CHCHD3: variants seen among roughly 807,000 people sequenced by gnomAD.
The protein encoded by CHCHD3 is coiled-coil-helix-coiled-coil-helix domain containing 3.
A neutral mutation model predicts 38.2 loss-of-function variants in CHCHD3; 20 were observed. The observed-to-expected ratio is 0.52, with a 90% confidence interval of 0.37 to 0.76. The LOEUF is 0.76. Among genes scored for constraint, CHCHD3 ranks in the 30% least tolerant of loss-of-function variants. The pLI, the probability that CHCHD3 is intolerant of heterozygous loss-of-function variation, is 0.00. For synonymous variants in CHCHD3, 82 were observed against 100.0 expected, an observed-to-expected ratio of 0.82 and a Z score of 1.07; for missense variants, 245 against 279.2, an observed-to-expected ratio of 0.88 and a Z score of 0.87.
At chr7:132,963,171 A>T (rs1053280025) in intron 4 of CHCHD3, among the ~76,000 whole-genome samples, 2 of 148,954 alleles carry the variant, frequency 1.3e-5, no homozygotes, top group African/African-American at 4.9e-5. Context: ...TATATATATA[A>T]TATATGTAGG....
intron 5 of CHCHD3, among the ~76,000 whole-genome samples, chr7:132,881,204 G>A (rs1809045771): frequency 6.6e-6 from 1 of 152,148 alleles, no homozygotes; most frequent in Non-Finnish European, 1.5e-5. Context: ...CTCCTAACAA[G>A]TTAGTGAAAG....
intron 4 of CHCHD3, among the ~76,000 whole-genome samples, chr7:132,944,217 A>G (rs1810841186): frequency 6.6e-6 from 1 of 152,028 alleles, no homozygotes; most frequent in African/African-American, 2.4e-5. Context: ...TTGGTGACAC[A>G]GGGTGCCTTA....
chr7:133,075,802 A>G (rs921049185), intron 1 of CHCHD3, among the ~76,000 whole-genome samples: 21 of 152,290 alleles, frequency 1.4e-4, no homozygotes, highest in Admixed American at 3.3e-4. Flanking sequence ...GCTCACGCCT[A>G]TAATCCCAGC....
chr7:132,913,445 C>A (rs1012574670), intron 4 of CHCHD3, among the ~76,000 whole-genome samples: 1 of 152,120 alleles, frequency 6.6e-6, no homozygotes, highest in African/African-American at 2.4e-5. Flanking sequence ...GGTAGGAATT[C>A]ATCCATCAGG....
intron 3 of CHCHD3, among the ~76,000 whole-genome samples, chr7:133,000,768 C>T (rs927688177): frequency 6.6e-6 from 1 of 152,106 alleles, no homozygotes; most frequent in African/African-American, 2.4e-5. Context: ...GTAATCAATA[C>T]AATAAACTAG....
In CHCHD3 at chr7:132,790,792, T is replaced by C. The variant is rs563227168; in HGVS notation, c.661-5132A>G. On this transcript the variant is annotated intron_variant, in intron 7 of 7. Transcript: ENST00000262570. ...GGGTCGGGGAGAGAAGCAGGGTGAC[T>C]GGGAGCAGTAGAACCAAGGGAGGGT... 2.0e-5 allele frequency among the ~76,000 whole-genome samples: 3 copies of C among 152,214 alleles called. No homozygotes were observed. In the South Asian group the frequency reaches 6.2e-4, roughly 32 times the overall value.
chr7:133,065,806 T>C (rs1412817594), intron 2 of CHCHD3, among the ~76,000 whole-genome samples: 6 of 152,194 alleles, frequency 3.9e-5, no homozygotes, highest in South Asian at 4.1e-4. Flanking sequence ...GAAGAATAAA[T>C]CTTTGTTAAT....
At position 132,853,596 on chromosome 7, in the gene CHCHD3, T is replaced by G. The variant is rs1423733196; in HGVS notation, c.454-15127A>C. On this transcript the variant is annotated intron_variant, in intron 5 of 7. Transcript: ENST00000262570. ...GAGATCGCGCCACTGCACTCCAGCC[T>G]GGGCGACAGAGCGATATTCTGTCTC... 6.6e-5 allele frequency among the ~76,000 whole-genome samples: 10 copies of G among 152,300 alleles called. No homozygotes were observed. In the East Asian group the frequency reaches 1.9e-3, roughly 29 times the overall value.
At chr7:132,853,393 G>A (rs1032832536) in intron 5 of CHCHD3, among the ~76,000 whole-genome samples, 3 of 152,120 alleles carry the variant, frequency 2.0e-5, no homozygotes, top group Non-Finnish European at 4.4e-5. Flanking sequence ...GGCCAAGGTG[G>A]GCAGATCACC....
intron 2 of CHCHD3, among the ~76,000 whole-genome samples, chr7:133,063,816 T>C (rs962207397): frequency 6.6e-6 from 1 of 152,100 alleles, no homozygotes; most frequent in African/African-American, 2.4e-5. Context: ...AGGATAGAAT[T>C]AAACTCATTG....
intron 2 of CHCHD3, among the ~76,000 whole-genome samples, chr7:133,048,207 G>A (rs1163179723): frequency 2.0e-5 from 3 of 152,100 alleles, no homozygotes; most frequent in Non-Finnish European, 2.9e-5. Flanking sequence ...TGAGCTGTGG[G>A]GATAAAGTCA....
At chr7:133,047,907 G>A (rs181315541) in intron 2 of CHCHD3, among the ~76,000 whole-genome samples, 293 of 152,234 alleles carry the variant, frequency 1.9e-3, no homozygotes, top group Non-Finnish European at 3.2e-3. Context: ...GACCAACATG[G>A]AGAAACTTCC....
In CHCHD3 at chr7:133,050,340, TAAAAAAAAAAAAAAAAAAA is replaced by T. The variant is rs35635002; in HGVS notation, c.169+19783_169+19801del. 6.6e-4 allele frequency among the ~76,000 whole-genome samples: 21 copies of T among 31,852 alleles called. No individual in the cohort carries two copies. The South Asian group carries it at 7.1e-3, about 11-fold the overall frequency. 20.9% of individuals were successfully genotyped at this position (31,852 alleles called of 152,430 possible). On this transcript the variant is annotated intron_variant, in intron 2 of 7. Transcript: ENST00000262570. ...CTGAGTAACAGAGGAGGCTGTGTCT[TAAAAAAAAAAAAAAAAAAA>T]AAAAAAAAAAAAAAAATGCAGAATG... is the stretch of plus-strand genomic sequence containing the variant.
chr7:132,885,718 C>T lies in CHCHD3; in HGVS notation c.397G>A (p.Val133Met). The change falls in exon 5 of 8, where the codon GTG (valine) becomes ATG (methionine). Residue 133 changes from valine (V) to methionine (M), a missense_variant. Physicochemically the swap from Val to Met is conservative, Grantham distance 21. Transcript: ENST00000262570. ...TAGAATGCATCCTGCTTCTTTAGCA[C>T]TCGGTCTTTCTCTTCCAGCTGCCTA... ...LARQLEEKDRVLKKQDAFYKE... is the reference protein window; with the variant it reads ...LARQLEEKDRMLKKQDAFYKE... 1.2e-6 allele frequency: 2 copies of T among 1,609,042 alleles called. No homozygotes were observed. The highest frequency in any genetic ancestry group is 1.7e-6 in the Non-Finnish European group (2 of 1,178,306).
At chr7:133,078,924 C>T (rs1357502067) in intron 1 of CHCHD3, among the ~76,000 whole-genome samples, 1 of 152,186 alleles carries the variant, frequency 6.6e-6, no homozygotes, top group Non-Finnish European at 1.5e-5. Context: ...CTCATCGGCA[C>T]CATGTTCTAA....
Position 132,885,891 on chromosome 7 carries a change from A to G in CHCHD3, c.370-146T>C, listed in dbSNP as rs1028000654. On this transcript the variant is annotated intron_variant, in intron 4 of 7. Coordinates refer to ENST00000262570, the MANE Select transcript of CHCHD3 (RefSeq NM_017812.4). ...GTCTCTGCCATAGAAAAACATTAAG[A>G]TGATGATTGCTGTATTTAAATGTAA... 14 of 515,286 alleles carry G rather than the reference A, an allele frequency of 2.7e-5. No homozygotes were observed. In the South Asian group the frequency reaches 4.9e-4, roughly 18 times the overall value. 31.9% of individuals were successfully genotyped at this position (515,286 alleles called of 1,614,324 possible).
At chr7:133,044,311 G>A (rs995577343) in intron 2 of CHCHD3, among the ~76,000 whole-genome samples, 21 of 152,254 alleles carry the variant, frequency 1.4e-4, no homozygotes, top group African/African-American at 3.4e-4. Context: ...AACAGCATGC[G>A]CTCTCCAAAA....
chr7:132,861,261 A>G (rs1211022111), intron 5 of CHCHD3, among the ~76,000 whole-genome samples: 1 of 152,152 alleles, frequency 6.6e-6, no homozygotes, highest in Non-Finnish European at 1.5e-5. Context: ...TGGCTGGAGC[A>G]CTCAGGACCG....
intron 5 of CHCHD3, among the ~76,000 whole-genome samples, chr7:132,877,869 A>G (rs1243052161): frequency 6.6e-6 from 1 of 152,194 alleles, no homozygotes; most frequent in African/African-American, 2.4e-5. Context: ...GCAAACTAGT[A>G]TAACCCACGT....
Sources: allele counts gnomAD v4.1 joint callset (sites outside exome capture counted in the v4.1 genomes callset), GRCh38; gene constraint gnomAD v4.1.1; transcripts MANE v1.5; gene names NCBI Gene and HGNC (gene_info 2026-07-23, HGNC 2026-07-21).